Variants in KIF16B observed in about 807,000 individuals in gnomAD.
KIF16B encodes kinesin-like protein KIF16B.
A neutral mutation model predicts 156.3 loss-of-function variants in KIF16B; 98 were observed. That is an observed-to-expected ratio of 0.63 (90% confidence interval 0.53 to 0.74). The LOEUF is 0.74. KIF16B is among the 30% of genes least tolerant of loss of function. The pLI is 0.00. For missense variants in KIF16B, 1,421 were observed against 1,606.5 expected (o/e 0.88, Z 1.97); for synonymous variants, 564 against 583.7 (o/e 0.97, Z 0.49).
intron 1 of KIF16B, among the ~76,000 whole-genome samples, chr20:16,566,708 C>T (rs1378984133): frequency 6.6e-6 from 1 of 152,200 alleles, no homozygotes; most frequent in African/African-American, 2.4e-5. Flanking sequence ...AGCTGGAATT[C>T]AAGCCTTTAT....
chr20:16,518,909 T>C (rs1203265448), intron 3 of KIF16B, among the ~76,000 whole-genome samples: 1 of 152,142 alleles, frequency 6.6e-6, no homozygotes, highest in Non-Finnish European at 1.5e-5. Context: ...TTCCTGTGCC[T>C]GATCCATCTG....
At chr20:16,527,008 G>T (rs1286790936) in intron 2 of KIF16B, among the ~76,000 whole-genome samples, 1 of 152,198 alleles carries the variant, frequency 6.6e-6, no homozygotes, top group Non-Finnish European at 1.5e-5. Context: ...GAGGAAAATA[G>T]ATTCCATAAC....
chr20:16,502,534 C>T (rs1238879205), intron 10 of KIF16B, among the ~76,000 whole-genome samples: 1 of 151,892 alleles, frequency 6.6e-6, no homozygotes, highest in African/African-American at 2.4e-5. Context: ...TCTTTTATAT[C>T]CTCACCCCCA....
At chr20:16,292,964 G>T (rs960298162) in intron 25 of KIF16B, among the ~76,000 whole-genome samples, 5 of 152,164 alleles carry the variant, frequency 3.3e-5, no homozygotes, top group African/African-American at 1.2e-4. Flanking sequence ...TATGCAGAAG[G>T]GAATCAGTTG....
chr20:16,318,305 G>A (rs1318192808), intron 24 of KIF16B, among the ~76,000 whole-genome samples: 2 of 152,146 alleles, frequency 1.3e-5, no homozygotes, highest in Non-Finnish European at 1.5e-5. Flanking sequence ...AAGCTACCCA[G>A]GAGGAATTCA....
At chr20:16,561,257 G>C (rs570765858) in intron 1 of KIF16B, among the ~76,000 whole-genome samples, 57 of 152,256 alleles carry the variant, frequency 3.7e-4, no homozygotes, top group African/African-American at 1.3e-3. Flanking sequence ...TGGAGCTGCT[G>C]CACTCCAGCC....
intron 15 of KIF16B, 67 bp downstream of exon 15, chr20:16,427,037 C>T (rs199500083): frequency 1.8e-5 from 25 of 1,367,808 alleles, no homozygotes; most frequent in Non-Finnish European, 2.4e-5. Context: ...CATGTTCCCC[C>T]ATTGCCTAGC....
intron 1 of KIF16B, among the ~76,000 whole-genome samples, chr20:16,563,826 A>G (rs2071155295): frequency 6.6e-6 from 1 of 152,186 alleles, no homozygotes; most frequent in Admixed American, 6.5e-5. Context: ...TTTTGCACAC[A>G]AAGATATTTT....
chr20:16,299,949 A>C, intron 25 of KIF16B, among the ~76,000 whole-genome samples: 1 of 152,206 alleles, frequency 6.6e-6, no homozygotes, highest in East Asian at 1.9e-4. Context: ...AGATAGAAGA[A>C]CATGAAGACC....
intron 20 of KIF16B, among the ~76,000 whole-genome samples, chr20:16,372,650 A>G (rs1347321888): frequency 2.0e-5 from 3 of 152,204 alleles, no homozygotes; most frequent in African/African-American, 7.2e-5. Flanking sequence ...AATGGAAGTC[A>G]TTCTGTTCTA....
intron 25 of KIF16B, among the ~76,000 whole-genome samples, chr20:16,281,663 T>G (rs922576459): frequency 1.5e-4 from 23 of 152,240 alleles, no homozygotes; most frequent in African/African-American, 5.5e-4. Context: ...TCCAAGGAAA[T>G]CAGGACAGCT....
intron 23 of KIF16B, among the ~76,000 whole-genome samples, chr20:16,343,081 A>T (rs780965660): frequency 1.3e-5 from 2 of 152,184 alleles, no homozygotes; most frequent in African/African-American, 2.4e-5. Context: ...CAAAACACTG[A>T]ATTATTTTAT....
At chr20:16,542,136 A>G (rs1368243799) in intron 1 of KIF16B, among the ~76,000 whole-genome samples, 1 of 152,222 alleles carries the variant, frequency 6.6e-6, no homozygotes, top group Admixed American at 6.5e-5. Context: ...CGAGCTAGAC[A>G]GAAGGCAGAT....
chr20:16,567,051 AC>A (rs1228768034), intron 1 of KIF16B, among the ~76,000 whole-genome samples: 1 of 151,856 alleles, frequency 6.6e-6, no homozygotes, highest in Non-Finnish European at 1.5e-5. Context: ...CCTTCCAACC[AC>A]CCCCTGCCCA....
In KIF16B at chr20:16,488,428, G is replaced by A. The variant is rs190972334; in HGVS notation, c.1302+5863C>T. The stretch of plus-strand genomic sequence containing the variant: ...ATTTTTCTTTAATTGTTCATAAAAC[G>A]CTGGAACAGAGAAACCAAAACGTAT... On this transcript the variant is annotated intron_variant, in intron 12 of 25. Transcript: ENST00000354981. Among the ~76,000 whole-genome samples the A allele has an allele frequency of 1.8e-4, 27 of 152,308 alleles. 1 individual carries two copies. The East Asian group carries it at 4.2e-3, about 24-fold the overall frequency.
chr20:16,407,656 C>A (rs1468944360), intron 15 of KIF16B, among the ~76,000 whole-genome samples: 10 of 152,070 alleles, frequency 6.6e-5, no homozygotes, highest in Admixed American at 6.6e-4. Context: ...TCATGTCCAT[C>A]CAAAGTTCAG....
At chr20:16,530,121 G>A (rs1035594443) in intron 1 of KIF16B, among the ~76,000 whole-genome samples, 3 of 152,170 alleles carry the variant, frequency 2.0e-5, no homozygotes, top group African/African-American at 7.2e-5. Context: ...AAATAAGTCA[G>A]GGTTCCTTGG....
intron 12 of KIF16B, among the ~76,000 whole-genome samples, chr20:16,476,458 G>C (rs1416996605): frequency 2.0e-5 from 3 of 152,066 alleles, no homozygotes; most frequent in Admixed American, 1.3e-4. Context: ...GAATGTCAGA[G>C]GATTTTGCAG....
chr20:16,513,848 T>C (rs2069046354), intron 4 of KIF16B, among the ~76,000 whole-genome samples: 1 of 151,990 alleles, frequency 6.6e-6, no homozygotes, highest in South Asian at 2.1e-4. Flanking sequence ...ATAGTAAAAA[T>C]CAGGCAAAAT....
Sources: allele counts gnomAD v4.1 joint callset (sites outside exome capture counted in the v4.1 genomes callset), GRCh38; gene constraint gnomAD v4.1.1; transcripts MANE v1.5; gene names NCBI Gene and HGNC (gene_info 2026-07-23, HGNC 2026-07-21).